EDAR: variants seen among roughly 807,000 people sequenced by gnomAD.
EDAR encodes the protein ectodysplasin A receptor.
Under a neutral mutation model 51.3 loss-of-function variants are expected in EDAR, and 38 were observed. The observed-to-expected ratio is 0.74, with a 90% CI of 0.57 to 0.97. The LOEUF (loss-of-function observed/expected upper bound fraction) is 0.97. EDAR is among the 50% of genes least tolerant of loss of function. The pLI, the probability that EDAR is intolerant of heterozygous loss-of-function variation, is 0.00. For synonymous variants in EDAR, 227 were observed against 242.1 expected (o/e 0.94, Z 0.58); for missense variants, 528 against 595.0 (o/e 0.89, Z 1.17).
At chr2:108,915,155 T>C (rs13420764) in intron 5 of EDAR, among the ~76,000 whole-genome samples, 1 of 152,204 alleles carries the variant, frequency 6.6e-6, no homozygotes, top group Non-Finnish European at 1.5e-5. Flanking sequence ...CCACCTGCCT[T>C]GGCCTCCCAA....
At chr2:108,916,557 G>A (rs1377194133) in intron 5 of EDAR, among the ~76,000 whole-genome samples, 6 of 152,256 alleles carry the variant, frequency 3.9e-5, no homozygotes, top group Admixed American at 6.5e-5. Context: ...CCTGATCACC[G>A]GATGGTTCCC....
At chr2:108,936,842 A>G (rs987666272) in intron 1 of EDAR, among the ~76,000 whole-genome samples, 4 of 152,248 alleles carry the variant, frequency 2.6e-5, no homozygotes, top group African/African-American at 4.8e-5. Context: ...GGAGGAAAGC[A>G]GAGAAGGTAG....
chr2:108,949,650 T>C (rs773121453), intron 1 of EDAR, among the ~76,000 whole-genome samples: 2 of 152,038 alleles, frequency 1.3e-5, no homozygotes, highest in Admixed American at 6.6e-5. Context: ...TCATCTGAGG[T>C]TGGAGGATTG....
intron 1 of EDAR, among the ~76,000 whole-genome samples, chr2:108,956,057 A>G (rs1024463221): frequency 7.9e-5 from 12 of 152,096 alleles, no homozygotes; most frequent in Non-Finnish European, 1.8e-4. Context: ...AAATAAAATT[A>G]GATTAAAACA....
At chr2:108,929,403 G>T (rs779758105) in intron 3 of EDAR, 24 bp from the exon 4 acceptor site, 3 of 1,613,104 alleles carry the variant, frequency 1.9e-6, no homozygotes, top group Non-Finnish European at 2.5e-6. Flanking sequence ...GAGGACAGGG[G>T]ACACAGGTGA....
At chr2:108,898,211 A>T (rs1696635936) in intron 11 of EDAR, among the ~76,000 whole-genome samples, 1 of 152,086 alleles carries the variant, frequency 6.6e-6, no homozygotes, top group Non-Finnish European at 1.5e-5. Context: ...TTCCACCCTC[A>T]CCAGGCTGTA....
At chr2:108,906,123 T>C (rs189842756) in intron 11 of EDAR, among the ~76,000 whole-genome samples, 185 bp downstream of exon 11, 1 of 152,208 alleles carries the variant, frequency 6.6e-6, no homozygotes, top group Non-Finnish European at 1.5e-5. Flanking sequence ...TGCCTTCCGA[T>C]ATCTGGGAAC....
chr2:108,930,210 G>A lies in EDAR; in HGVS notation c.84C>T (p.Tyr28=), dbSNP rs982833014. 7 of 1,614,032 alleles carry A rather than the reference G, an allele frequency of 4.3e-6. No homozygotes were observed. The highest frequency in any genetic ancestry group is 4.0e-5 in the African/African-American group (3 of 74,918). The stretch of plus-strand genomic sequence containing the variant: ...AGTACTCGTTCTCACCGCAGTTTGA[G>A]TATTCCGCTCGGGCTGAGCACATCA... ...VSLMCSARAE[Y]SNCGENEYYN... is the part of the protein sequence containing the mutation. The change falls in exon 3 of 12, where the codon TAC becomes TAT. Residue 28 remains tyrosine, a synonymous_variant. Coordinates refer to ENST00000258443, the MANE Select transcript of EDAR (RefSeq NM_022336.4).
At chr2:108,906,394 A>T (rs1696807540) in intron 10 of EDAR, 26 bp from the exon 11 acceptor site, 1 of 1,613,732 alleles carries the variant, frequency 6.2e-7, no homozygotes, top group Admixed American at 1.7e-5. Flanking sequence ...GAGAATTTTC[A>T]TCTCCAGAAA....
chr2:108,975,527 G>A (rs935013805), intron 1 of EDAR, among the ~76,000 whole-genome samples: 5 of 152,220 alleles, frequency 3.3e-5, no homozygotes, highest in African/African-American at 9.6e-5. Flanking sequence ...GATGGATGCC[G>A]GAGTGAGAAG....
At chr2:108,932,661 A>C (rs1697391921) in intron 1 of EDAR, among the ~76,000 whole-genome samples, 1 of 152,130 alleles carries the variant, frequency 6.6e-6, no homozygotes, top group Non-Finnish European at 1.5e-5. Flanking sequence ...GTGGGGACTG[A>C]CATGGACAAT....
chr2:108,923,419 A>T lies in EDAR; in HGVS notation c.391T>A (p.Tyr131Asn). 6.2e-7 allele frequency: 1 copy of T among 1,614,218 alleles called. No homozygotes were observed. Among genetic ancestry groups the T allele is most frequent in the Non-Finnish European group, 8.5e-7 (1 of 1,180,032 alleles). The change falls in exon 5 of 12, where the codon TAT becomes AAT. Residue 131 changes from tyrosine (Y) to asparagine (N), a missense_variant. By Grantham distance (143) the Tyr-to-Asn change is moderately radical. Transcript: ENST00000258443. ...YMLENRPRNI[Y>N]GMVCYSCLLA... ...AGGCAGGAGTAGCAGACCATGCCAT[A>T]GATGTTCCTCGGTCTGTTCTCCAGC...
intron 1 of EDAR, among the ~76,000 whole-genome samples, chr2:108,932,137 C>T (rs1040821984): frequency 7.9e-5 from 12 of 152,188 alleles, no homozygotes; most frequent in African/African-American, 1.9e-4. Context: ...GCACAGGAAC[C>T]TTCCCTCCCT....
intron 1 of EDAR, chr2:108,940,242 T>C (rs1288022070): frequency 6.6e-6 from 1 of 152,306 alleles, no homozygotes; most frequent in Non-Finnish European, 1.5e-5. Context: ...GGCTTGCTGC[T>C]CCTCTCAGGC....
Position 108,910,821 on chromosome 2 carries a change from C to A in EDAR, c.685G>T (p.Val229Leu). The A allele has an allele frequency of 6.2e-7, 1 of 1,613,940 alleles. No homozygotes were observed. The highest frequency in any genetic ancestry group is 1.7e-5 in the Admixed American group (1 of 60,030). ...TCGTCCTTGCTCACTTGGGCCTCCACGCTCTTCCCCGGGTGGCTGGTGCAA... is the reference window on the plus strand; with the variant it reads ...TCGTCCTTGCTCACTTGGGCCTCCAAGCTCTTCCCCGGGTGGCTGGTGCAA... ...ACCTSHPGKS[V>L]EAQVSKDEEK... The change falls in exon 8 of 12, where the codon GTG becomes TTG. Residue 229 changes from valine (V) to leucine (L), a missense_variant. Physicochemically the swap from Val to Leu is conservative, Grantham distance 32. Coordinates refer to ENST00000258443, the MANE Select transcript of EDAR (RefSeq NM_022336.4).
chr2:108,971,223 T>C (rs1385818641), intron 1 of EDAR, among the ~76,000 whole-genome samples: 1 of 152,178 alleles, frequency 6.6e-6, no homozygotes, highest in Non-Finnish European at 1.5e-5. Flanking sequence ...ATCATCTTTA[T>C]ATTTTTATAT....
intron 1 of EDAR, among the ~76,000 whole-genome samples, chr2:108,951,424 G>A (rs1697826082): frequency 6.6e-6 from 1 of 152,224 alleles, no homozygotes; most frequent in South Asian, 2.1e-4. Flanking sequence ...AGGCCAGGAT[G>A]TCTTATGTGA....
intron 1 of EDAR, among the ~76,000 whole-genome samples, chr2:108,944,003 G>A (rs1179155391): frequency 1.3e-5 from 2 of 152,242 alleles, no homozygotes; most frequent in East Asian, 1.9e-4. Flanking sequence ...TGTTTTGAAT[G>A]TAAAAGGCTT....
At position 108,897,195 on chromosome 2, in the gene EDAR, G is replaced by A. The variant is rs777416175; in HGVS notation, c.1059C>T (p.Leu353=). ...AGCTGAGCATTCGGCTAGTCTTCTC[G>A]AGGCAATCAAATGGCAGCTCCGTGG... The part of the protein sequence containing the change: ...LSPTELPFDC[L]EKTSRMLSST... Residue 353 remains leucine, a synonymous_variant, in exon 12 of 12, where the codon CTC becomes CTT. Transcript: ENST00000258443. 2.1e-5 allele frequency: 34 copies of A among 1,613,586 alleles called. 1 individual carries two copies. The highest frequency in any genetic ancestry group is 3.3e-5 in the South Asian group (3 of 91,060).
Sources: allele counts gnomAD v4.1 joint callset (sites outside exome capture counted in the v4.1 genomes callset), GRCh38; gene constraint gnomAD v4.1.1; transcripts MANE v1.5; gene names NCBI Gene and HGNC (gene_info 2026-07-23, HGNC 2026-07-21).